The following MYO10 variants were observed in gnomAD, a reference collection of about 807,000 sequenced individuals.
The protein encoded by MYO10 is unconventional myosin-X.
Under a neutral mutation model 257.3 loss-of-function variants are expected in MYO10, and 133 were observed. The observed-to-expected ratio is 0.52, with a 90% CI of 0.45 to 0.60. The LOEUF (loss-of-function observed/expected upper bound fraction) is 0.60, where lower values mean the gene tolerates loss of function less well. Among genes scored for constraint, MYO10 ranks in the 20% least tolerant of loss-of-function variants. The pLI is 0.00. For synonymous variants in MYO10, 1,104 were observed against 1,028.6 expected (o/e 1.07, Z -1.40); for missense variants, 2,399 against 2,635.7 (o/e 0.91, Z 1.97).
Position 16,731,339 on chromosome 5 carries a change from A to AGTTTT in MYO10, c.1930-20099_1930-20095dup, listed in dbSNP as rs1348233316. Among the ~76,000 whole-genome samples, 13 of 141,898 alleles carry AGTTTT rather than the reference A, an allele frequency of 9.2e-5. 1 individual carries two copies. The highest frequency in any genetic ancestry group is 4.6e-4 in the South Asian group (2 of 4,364). The allele number at this position is 141,898 out of a possible 152,430, so 93.1% of individuals were successfully genotyped here. A position where few individuals can be genotyped will look rare whatever the true frequency, so the allele number is the denominator to read the frequency against. ...ATTACAGGCATGAGCCACCACGCCC[A>AGTTTT]GTTTTGTTTTGTTTTGTTTTTAAGA... On this transcript the variant is annotated intron_variant, in intron 19 of 40. Coordinates refer to ENST00000513610, the MANE Select transcript of MYO10 (RefSeq NM_012334.3).
Position 16,794,731 on chromosome 5 carries a change from C to T in MYO10, c.382G>A (p.Glu128Lys), listed in dbSNP as rs377477212. ...MEQYSRRHLG[E>K]LPPHIFAIAN... ...ATGGCGAAGATGTGCGGGGGCAGCTCGCCCAGGTGGCGCCGGCTGTACTGC... is the reference window on the plus strand; with the variant it reads ...ATGGCGAAGATGTGCGGGGGCAGCTTGCCCAGGTGGCGCCGGCTGTACTGC... Residue 128 changes from glutamate to lysine, a missense_variant, in exon 4 of 41, where the codon GAG becomes AAG. Glu to Lys is a moderately conservative substitution (Grantham distance 56). This residue lies in a region of MYO10 where 242 missense variants were observed against 249.5 expected (regional missense o/e 0.97). Transcript: ENST00000513610. The T allele has an allele frequency of 8.1e-6, 13 of 1,613,360 alleles. No individual in the cohort carries two copies. In the African/African-American group the frequency reaches 1.3e-4, roughly 17 times the overall value.
chr5:16,741,684 C>T (rs995209657), intron 19 of MYO10: 2 of 659,034 alleles, frequency 3.0e-6, no homozygotes, highest in Non-Finnish European at 3.8e-6. Context: ...TAAACACTTC[C>T]GTGCCTGGAG....
chr5:16,833,985 A>G (rs1743233656), intron 2 of MYO10, among the ~76,000 whole-genome samples: 2 of 152,122 alleles, frequency 1.3e-5, no homozygotes, highest in South Asian at 2.1e-4. Flanking sequence ...AGGACAAAAT[A>G]TCAATTATTT....
intron 19 of MYO10, among the ~76,000 whole-genome samples, chr5:16,749,994 AG>A (rs1400267137): frequency 3.3e-5 from 5 of 152,062 alleles, no homozygotes; most frequent in African/African-American, 1.2e-4. Context: ...TCTATCTTAG[AG>A]AAATCTGTGG....
rs781729244 is a variant in MYO10, at chr5:16,701,876, G to A, written c.2557-38C>T. 1 of 1,545,756 alleles carries A rather than the reference G, an allele frequency of 6.5e-7. No individual in the cohort carries two copies. The highest frequency in any genetic ancestry group is 2.2e-5 in the East Asian group (1 of 44,486). On this transcript the variant is annotated intron_variant, in intron 24 of 40. Coordinates refer to ENST00000513610, the MANE Select transcript of MYO10 (RefSeq NM_012334.3). This position sits in a 1 kb window ranked among gnomAD's most constrained non-coding sequence, Gnocchi z 8.1. ...AGAAGGGAGATTTCAGAAGGCTTCA[G>A]TACAAAAGTCCAAGCATAGCTCCCG...
At chr5:16,874,592 C>T (rs1023248174) in intron 2 of MYO10, among the ~76,000 whole-genome samples, 1 of 152,152 alleles carries the variant, frequency 6.6e-6, no homozygotes, top group African/African-American at 2.4e-5. Context: ...CAAGAGTCAC[C>T]TCTGCTCCAG....
Position 16,702,942 on chromosome 5 carries a change from T to C in MYO10, c.2493A>G (p.Lys831=), listed in dbSNP as rs373605365. The C allele has an allele frequency of 2.0e-5, 31 of 1,551,434 alleles. No homozygotes were observed. Among genetic ancestry groups the C allele is most frequent in the Non-Finnish European group, 2.1e-5 (24 of 1,146,966 alleles). Residue 831 remains lysine, a synonymous_variant, in exon 23 of 41, where the codon AAA becomes AAG. Coordinates refer to ENST00000513610, the MANE Select transcript of MYO10 (RefSeq NM_012334.3). ...TACTGTACCTTTCTTCTTCCTCCCG[T>C]TTCTTCTTTTCTTCCTCTTCCTGTT... ...KKKQEEEEKK[K]REEEERERER...
At chr5:16,812,241 C>G (rs1742463378) in intron 3 of MYO10, among the ~76,000 whole-genome samples, 1 of 140,624 alleles carries the variant, frequency 7.1e-6, no homozygotes. Context: ...GCAGGAAGAG[C>G]CTGGGGTTCC....
intron 1 of MYO10, among the ~76,000 whole-genome samples, chr5:16,888,136 T>C (rs534351066): frequency 2.0e-5 from 3 of 152,282 alleles, no homozygotes; most frequent in African/African-American, 7.2e-5. Context: ...CTTCCATCCC[T>C]CATACTTCCA....
At chr5:16,834,160 T>C (rs777051742) in intron 2 of MYO10, among the ~76,000 whole-genome samples, 3 of 152,032 alleles carry the variant, frequency 2.0e-5, no homozygotes, top group Non-Finnish European at 4.4e-5. Flanking sequence ...CACCCCTCTT[T>C]TGAGTTTCCC....
chr5:16,668,420 C>T lies in MYO10; in HGVS notation c.5932G>A (p.Asp1978Asn), dbSNP rs763181078. Residue 1978 changes from aspartate to asparagine, a missense_variant, in exon 40 of 41, where the codon GAC (aspartate) becomes AAC (asparagine). Asp to Asn is a conservative substitution (Grantham distance 23). This residue lies in a region of MYO10 where 1,820 missense variants were observed against 1,939.4 expected (regional missense o/e 0.94). Transcript: ENST00000513610. ...PQELWLGVSA[D>N]AVSVYKRGEG... ...CCACGCTTGTAGACGGAGACGGCGT[C>T]CGCGCTGACACCCAACCAGAGTTCC... 19 of 1,613,602 alleles carry T rather than the reference C, an allele frequency of 1.2e-5. 1 individual carries two copies. In the South Asian group the frequency reaches 2.1e-4, roughly 18 times the overall value.
intron 3 of MYO10, among the ~76,000 whole-genome samples, chr5:16,804,325 C>T (rs73756279): frequency 0.015 from 2,213 of 152,306 alleles, 50 homozygotes; most frequent in African/African-American, 0.051. Context: ...TGAGATTTCC[C>T]TCGGGGTCTT....
At chr5:16,785,908 G>A (rs916171063) in intron 4 of MYO10, among the ~76,000 whole-genome samples, 3 of 151,872 alleles carry the variant, frequency 2.0e-5, no homozygotes, top group Non-Finnish European at 2.9e-5. Flanking sequence ...CAAAAAACCC[G>A]GCAGGCAGGC....
intron 17 of MYO10, among the ~76,000 whole-genome samples, chr5:16,758,984 C>A (rs967104831): frequency 6.6e-6 from 1 of 151,676 alleles, no homozygotes; most frequent in Admixed American, 6.6e-5. Context: ...TGCAGTGGTG[C>A]GATCTCGGCT....
intron 19 of MYO10, among the ~76,000 whole-genome samples, chr5:16,753,596 G>C (rs1420755677): frequency 6.7e-6 from 1 of 150,168 alleles, no homozygotes; most frequent in Non-Finnish European, 1.5e-5. Context: ...TCAGCCTCCT[G>C]AGTGGCTGGG....
At chr5:16,810,515 G>T (rs865791944) in intron 3 of MYO10, among the ~76,000 whole-genome samples, 3 of 152,276 alleles carry the variant, frequency 2.0e-5, no homozygotes, top group African/African-American at 4.8e-5. Context: ...TAAACAGACT[G>T]GGTGCAGTGG....
Position 16,924,894 on chromosome 5 carries a change from G to A in MYO10, c.21+10894C>T, listed in dbSNP as rs964803575. On this transcript the variant is annotated intron_variant, in intron 1 of 40. Transcript: ENST00000513610. ...CACCCAGGCTGGAGTGCAGTGGCAC[G>A]ATCTCTGCTCACTGCAAGCTCCGCC... Among the ~76,000 whole-genome samples, 4 of 142,052 alleles carry A rather than the reference G, an allele frequency of 2.8e-5. No individual in the cohort carries two copies. In the South Asian group the frequency reaches 6.8e-4, roughly 24 times the overall value. The allele number at this position is 142,052 out of a possible 152,430, so 93.2% of individuals were successfully genotyped here.
intron 2 of MYO10, among the ~76,000 whole-genome samples, chr5:16,821,049 A>G (rs1408122749): frequency 6.8e-6 from 1 of 147,478 alleles, no homozygotes; most frequent in Non-Finnish European, 1.5e-5. Context: ...TTATATACAT[A>G]TATGTATAAT....
chr5:16,869,590 C>T (rs947389369), intron 2 of MYO10, among the ~76,000 whole-genome samples: 3 of 151,792 alleles, frequency 2.0e-5, no homozygotes, highest in South Asian at 4.2e-4. Context: ...GGTGGCCGGA[C>T]GTGGTAGTTC....
Sources: allele counts gnomAD v4.1 joint callset (sites outside exome capture counted in the v4.1 genomes callset), GRCh38; gene constraint gnomAD v4.1.1; regional missense constraint gnomAD v4.1.1; non-coding constraint Gnocchi (gnomAD v3.1); transcripts MANE v1.5; gene names NCBI Gene and HGNC (gene_info 2026-07-23, HGNC 2026-07-21).